The following TRPC5 variants were observed in gnomAD, a reference collection of about 807,000 sequenced individuals.
TRPC5 encodes transient receptor potential cation channel subfamily C member 5, also known as short transient receptor potential channel 5.
TRPC5 carries 9 observed loss-of-function variants against 56.5 expected under a neutral mutation model. The ratio of observed to expected loss-of-function variants is 0.16; its 90% CI spans 0.10 to 0.28. The LOEUF (loss-of-function observed/expected upper bound fraction) is 0.28, where lower values mean the gene tolerates loss of function less well. Among genes scored for constraint, TRPC5 ranks in the 10% least tolerant of loss-of-function variants. The pLI is 1.00. For missense variants in TRPC5, 469 were observed against 748.9 expected, an observed-to-expected ratio of 0.63 and a Z score of 4.36; for synonymous variants, 282 against 278.5, an observed-to-expected ratio of 1.01 and a Z score of -0.13.
intron 7 of TRPC5, among the ~76,000 whole-genome samples, chrX:111,817,015 A>G (rs1921878317): frequency 8.9e-6 from 1 of 112,084 alleles, no homozygotes; most frequent in African/African-American, 3.2e-5. Context: ...GTGGTACTCA[A>G]AGGAAATAAT....
At chrX:112,064,406 C>T (rs2147741674) in intron 1 of TRPC5, among the ~76,000 whole-genome samples, 1 of 111,634 alleles carries the variant, frequency 9.0e-6, no homozygotes, top group South Asian at 3.8e-4. Context: ...TGCTTTGGGC[C>T]ACAATAGCCA....
chrX:112,078,600 T>C (rs1930891736), intron 1 of TRPC5, among the ~76,000 whole-genome samples: 1 of 111,945 alleles, frequency 8.9e-6, no homozygotes. Context: ...CCTGGGGCAA[T>C]TGCATTGGCC....
In TRPC5 at chrX:111,779,092, G is replaced by A. The variant is rs371350443; in HGVS notation, c.2143-18C>T. 21 of 1,128,533 alleles carry A rather than the reference G, an allele frequency of 1.9e-5. No individual in the cohort carries two copies. The highest frequency in any genetic ancestry group is 2.1e-5 in the Non-Finnish European group (17 of 827,403). 93.0% of individuals were successfully genotyped at this position (1,128,533 alleles called of 1,213,427 possible). A position where few individuals can be genotyped will look rare whatever the true frequency, so the allele number is the denominator to read the frequency against. ...ATAACTTCCTGGAATTACAAAACATGAAGAAGCATTCAGTCTCCTTCTCAG... is the reference window on the plus strand; with the variant it reads ...ATAACTTCCTGGAATTACAAAACATAAAGAAGCATTCAGTCTCCTTCTCAG... On this transcript the variant is annotated intron_variant, in intron 9 of 10. Transcript: ENST00000262839.
intron 3 of TRPC5, among the ~76,000 whole-genome samples, chrX:111,909,988 G>C (rs1030133226): frequency 9.0e-6 from 1 of 111,651 alleles, no homozygotes; most frequent in African/African-American, 3.3e-5. Flanking sequence ...AGCAAGTGGA[G>C]TCAAGCCATA....
At chrX:111,937,827 G>A (rs1338868256) in intron 2 of TRPC5, among the ~76,000 whole-genome samples, 10 of 106,459 alleles carry the variant, frequency 9.4e-5, no homozygotes, top group African/African-American at 3.5e-4. Context: ...TTGGCCATGC[G>A]GGCTCTTTTT....
intron 2 of TRPC5, among the ~76,000 whole-genome samples, chrX:111,950,134 C>T (rs1927042120): frequency 9.0e-6 from 1 of 111,084 alleles, no homozygotes; most frequent in South Asian, 3.8e-4. Context: ...AACATCCTGG[C>T]TAACACAGTG....
rs755366923 is a variant in TRPC5 at position 111,864,147 on chromosome X, C to T, written c.901-10041G>A. Among the ~76,000 whole-genome samples the T allele has an allele frequency of 1.5e-3, 160 of 109,899 alleles. 1 individual carries two copies. The highest frequency in any genetic ancestry group is 4.9e-3 in the African/African-American group (149 of 30,215). The stretch of plus-strand genomic sequence containing the variant: ...GAGTACAGGTGCCTGCCACCACACC[C>T]GGCTATTTTTTTTTGTATTTTTAGT... On this transcript the variant is annotated intron_variant, in intron 3 of 10. Transcript: ENST00000262839.
intron 1 of TRPC5, among the ~76,000 whole-genome samples, chrX:111,987,354 T>C (rs1297560855): frequency 9.0e-6 from 1 of 111,663 alleles, no homozygotes; most frequent in East Asian, 2.8e-4. Context: ...TTCTTTATTT[T>C]TTTTGTAGTA....
At chrX:111,777,234 A>G (rs918400454) in intron 10 of TRPC5, among the ~76,000 whole-genome samples, 6 of 111,810 alleles carry the variant, frequency 5.4e-5, no homozygotes, top group Non-Finnish European at 1.1e-4. Flanking sequence ...AGGATTAGCT[A>G]ACACTTTAGC....
chrX:111,885,946 G>T (rs1924470602), intron 3 of TRPC5, among the ~76,000 whole-genome samples: 1 of 111,615 alleles, frequency 9.0e-6, no homozygotes, highest in South Asian at 3.8e-4. Context: ...CTTGAACCTA[G>T]GTTTCTCTGC....
At chrX:111,933,841 T>G (rs1418375691) in intron 2 of TRPC5, among the ~76,000 whole-genome samples, 2 of 111,470 alleles carry the variant, frequency 1.8e-5, no homozygotes, top group Non-Finnish European at 3.8e-5. Flanking sequence ...ACTATAAATT[T>G]CTTTTTTTGT....
intron 7 of TRPC5, among the ~76,000 whole-genome samples, chrX:111,785,710 A>T (rs775295097): frequency 8.9e-6 from 1 of 111,927 alleles, no homozygotes; most frequent in East Asian, 2.8e-4. Context: ...CAGTGTAGAG[A>T]AGACCTTAAA....
chrX:111,819,879 C>G (rs1262253979), intron 7 of TRPC5, among the ~76,000 whole-genome samples: 1 of 111,754 alleles, frequency 8.9e-6, no homozygotes, highest in Non-Finnish European at 1.9e-5. Flanking sequence ...AATGAATGAA[C>G]AAACACACCT....
chrX:111,910,223 C>T (rs1253258617), intron 3 of TRPC5, among the ~76,000 whole-genome samples: 1 of 112,204 alleles, frequency 8.9e-6, no homozygotes, highest in African/African-American at 3.2e-5. Flanking sequence ...GGAAGCAATT[C>T]ATGTTCTACA....
rs957407870 is a variant in TRPC5 at position 112,046,131 on chromosome X, A to AG, written c.-22+35747dup. 1.1e-4 allele frequency among the ~76,000 whole-genome samples: 12 copies of AG among 108,271 alleles called. 1 individual carries two copies. Among genetic ancestry groups the AG allele is most frequent in the Admixed American group, 7.0e-4 (7 of 10,071 alleles). The allele number at this position is 108,271 out of a possible 115,157, so 94.0% of individuals were successfully genotyped here. A position where few individuals can be genotyped will look rare whatever the true frequency, so the allele number is the denominator to read the frequency against. ...TGCAGAGATTGAGAAACCCTGCTCTAGGGGGGAAAGAAAACTAGATGCATC... is the reference window on the plus strand; with the variant it reads ...TGCAGAGATTGAGAAACCCTGCTCTAGGGGGGGAAAGAAAACTAGATGCATC... On this transcript the variant is annotated intron_variant, in intron 1 of 10. Transcript: ENST00000262839.
intron 3 of TRPC5, among the ~76,000 whole-genome samples, chrX:111,869,751 C>T (rs751470481): frequency 1.7e-4 from 19 of 111,534 alleles, no homozygotes; most frequent in African/African-American, 6.2e-4. Flanking sequence ...CTTATCCTAG[C>T]CATGAGATGG....
At chrX:112,049,852 C>T (rs907201004) in intron 1 of TRPC5, among the ~76,000 whole-genome samples, 9 of 111,320 alleles carry the variant, frequency 8.1e-5, no homozygotes, top group Non-Finnish European at 1.9e-5. Flanking sequence ...ACTTTACTAC[C>T]CTCTCAGAGA....
At chrX:111,980,040 T>C (rs1239088708) in intron 1 of TRPC5, among the ~76,000 whole-genome samples, 1 of 111,961 alleles carries the variant, frequency 8.9e-6, no homozygotes, top group East Asian at 2.8e-4. Context: ...ATAGTGGCTT[T>C]ATTTTTAATA....
chrX:111,973,527 G>A (rs1603125727), intron 1 of TRPC5, among the ~76,000 whole-genome samples: 1 of 111,370 alleles, frequency 9.0e-6, no homozygotes, highest in South Asian at 3.8e-4. Flanking sequence ...GGTGAGCAGG[G>A]AGCATGCACA....
Sources: allele counts gnomAD v4.1 joint callset (sites outside exome capture counted in the v4.1 genomes callset), GRCh38; gene constraint gnomAD v4.1.1; transcripts MANE v1.5; gene names NCBI Gene and HGNC (gene_info 2026-07-23, HGNC 2026-07-21).